TRHDE: variants seen among roughly 807,000 people sequenced by gnomAD.
TRHDE encodes thyrotropin releasing hormone degrading enzyme, also known as thyrotropin-releasing hormone-degrading ectoenzyme.
Under a neutral mutation model 125.7 loss-of-function variants are expected in TRHDE, and 72 were observed. That is an observed-to-expected ratio of 0.57 (90% CI 0.47 to 0.70). The LOEUF is 0.70. Among genes scored for constraint, TRHDE ranks in the 30% least tolerant of loss-of-function variants. The probability of loss-of-function intolerance (pLI) is 0.00; values close to 1 mark genes in which losing one functional copy is unlikely to be tolerated. For synonymous variants in TRHDE, 509 were observed against 509.1 expected, an observed-to-expected ratio of 1.00 and a Z score of 0.00; for missense variants, 1,110 against 1,327.1, an observed-to-expected ratio of 0.84 and a Z score of 2.54.
At chr12:72,540,850 A>G (rs1328624150) in intron 6 of TRHDE, among the ~76,000 whole-genome samples, 1 of 151,702 alleles carries the variant, frequency 6.6e-6, no homozygotes, top group African/African-American at 2.4e-5. Context: ...AAAAAATCAG[A>G]AAAGGCATAA....
At chr12:72,374,384 C>T (rs1871778559) in intron 2 of TRHDE, among the ~76,000 whole-genome samples, 1 of 151,160 alleles carries the variant, frequency 6.6e-6, no homozygotes, top group Non-Finnish European at 1.5e-5. Context: ...CTTGTTAGAT[C>T]TCCAAGTAGA....
intron 4 of TRHDE, among the ~76,000 whole-genome samples, chr12:72,471,350 T>G (rs950381351): frequency 3.3e-5 from 5 of 152,214 alleles, no homozygotes; most frequent in Non-Finnish European, 2.9e-5. Flanking sequence ...GAATATCATG[T>G]AATTATTTGA....
intron 2 of TRHDE, among the ~76,000 whole-genome samples, chr12:72,129,362 T>A (rs1814815567): frequency 1.3e-5 from 2 of 151,584 alleles, no homozygotes; most frequent in Non-Finnish European, 2.9e-5. Flanking sequence ...TAAAAATGAG[T>A]TTTTCTTATT....
At chr12:72,578,322 G>T (rs539516197) in intron 12 of TRHDE, among the ~76,000 whole-genome samples, 1 of 152,260 alleles carries the variant, frequency 6.6e-6, no homozygotes, top group African/African-American at 2.4e-5. Flanking sequence ...TGGAGCAGGG[G>T]TGGAGGAAGT....
chr12:72,293,769 C>A (rs755100441), intron 2 of TRHDE, among the ~76,000 whole-genome samples: 5 of 152,136 alleles, frequency 3.3e-5, no homozygotes, highest in Non-Finnish European at 5.9e-5. Context: ...GCCAATGGCA[C>A]TTTTGCCTGA....
chr12:72,653,246 T>C lies in TRHDE; in HGVS notation c.2984+90T>C, dbSNP rs939370464. 3.8e-6 allele frequency: 4 copies of C among 1,048,068 alleles called. No individual in the cohort carries two copies. The South Asian group carries it at 5.8e-5, about 15-fold the overall frequency. The allele number at this position is 1,048,068 out of a possible 1,614,324, so 64.9% of individuals were successfully genotyped here. A position where few individuals can be genotyped will look rare whatever the true frequency, so the allele number is the denominator to read the frequency against. ...AGTTTTGTGTTAAAGCTAAGATCCA[T>C]GCAATAGGTTTAGATATTAAAATAT... On this transcript the variant is annotated intron_variant, in intron 17 of 18. Transcript: ENST00000261180.
At chr12:72,097,023 T>C (rs916673100) in intron 1 of TRHDE, among the ~76,000 whole-genome samples, 9 of 152,238 alleles carry the variant, frequency 5.9e-5, no homozygotes, top group African/African-American at 9.6e-5. Flanking sequence ...CCAAATATAC[T>C]GATTAGCTTA....
chr12:72,626,190 A>T (rs367959701), intron 15 of TRHDE, among the ~76,000 whole-genome samples: 1 of 151,692 alleles, frequency 6.6e-6, no homozygotes, highest in African/African-American at 2.4e-5. Flanking sequence ...GAGTTGAGAC[A>T]CTTGTGATCA....
chr12:72,620,046 A>G (rs1184344636), intron 13 of TRHDE, among the ~76,000 whole-genome samples: 2 of 152,094 alleles, frequency 1.3e-5, no homozygotes, highest in Non-Finnish European at 2.9e-5. Context: ...AGACATGCAA[A>G]CAAATGGGTC....
At chr12:72,280,048 T>G (rs1278526221) in intron 1 of TRHDE, among the ~76,000 whole-genome samples, 2 of 152,194 alleles carry the variant, frequency 1.3e-5, no homozygotes, top group African/African-American at 2.4e-5. Flanking sequence ...ACTTTTGTTG[T>G]GTCGCTGGAT....
At position 72,670,577 on chromosome 12, in the gene TRHDE, A is replaced by G. The variant is rs1193791661; in HGVS notation, c.*7382A>G. On this transcript the variant is annotated 3_prime_UTR_variant, in exon 19 of 19. Coordinates refer to ENST00000261180, the MANE Select transcript of TRHDE (RefSeq NM_013381.3). ...AAAATACATTTTTAAAATTTTGAGT[A>G]TATATATTATAGAGGTCCATGCAAA... The G allele has an allele frequency of 6.6e-6, 1 of 151,716 alleles. No individual in the cohort carries two copies. The highest frequency in any genetic ancestry group is 2.4e-5 in the African/African-American group (1 of 41,374). 9.4% of individuals were successfully genotyped at this position (151,716 alleles called of 1,614,324 possible).
At chr12:72,154,975 A>G (rs1401687801) in intron 2 of TRHDE, among the ~76,000 whole-genome samples, 1 of 152,222 alleles carries the variant, frequency 6.6e-6, no homozygotes, top group Non-Finnish European at 1.5e-5. Context: ...CCTGGATAAT[A>G]TCCTGAAGAG....
At chr12:72,169,571 C>G (rs563827337) in intron 2 of TRHDE, among the ~76,000 whole-genome samples, 1 of 151,994 alleles carries the variant, frequency 6.6e-6, no homozygotes, top group South Asian at 2.1e-4. Context: ...GGTGCAAATA[C>G]TAGTTGGGTG....
chr12:72,621,726 G>C lies in TRHDE; in HGVS notation c.2650G>C (p.Asp884His). 3 of 1,603,780 alleles carry C rather than the reference G, an allele frequency of 1.9e-6. No homozygotes were observed. The highest frequency in any genetic ancestry group is 2.5e-6 in the Non-Finnish European group (3 of 1,176,638). Residue 884 changes from aspartate (D) to histidine (H), a missense_variant, in exon 15 of 19, where the codon GAT becomes CAT. Physicochemically the swap from Asp to His is moderately conservative, Grantham distance 81. This residue lies in a region of TRHDE where 527 missense variants were observed against 651.8 expected (regional missense o/e 0.81). Transcript: ENST00000261180. ...CCAACAGGCATCAACACTTATTTCA[G>C]ATTGGATTTCCAGCAACAGGAACAG... is the stretch of plus-strand genomic sequence containing the variant. ...CHQQASTLISDWISSNRNRIP... is the reference protein window; with the variant it reads ...CHQQASTLISHWISSNRNRIP...
chr12:72,504,123 G>A (rs1180059620), intron 6 of TRHDE, among the ~76,000 whole-genome samples: 1 of 151,978 alleles, frequency 6.6e-6, no homozygotes, highest in East Asian at 1.9e-4. Flanking sequence ...GGGAGTAGAG[G>A]GGAACTGTAA....
At chr12:72,287,560 T>C (rs1011542777) in intron 2 of TRHDE, among the ~76,000 whole-genome samples, 4 of 148,106 alleles carry the variant, frequency 2.7e-5, no homozygotes, top group African/African-American at 1.0e-4. Context: ...CCTACGATTA[T>C]TTCATATCTA....
At position 72,410,870 on chromosome 12, in the gene TRHDE, T is replaced by TA. The variant is rs796586000; in HGVS notation, c.1315+32764dup. On this transcript the variant is annotated intron_variant, in intron 3 of 18. Transcript: ENST00000261180. ...GCCTGACCCAAATAAGATAAGCAGA[T>TA]AAAAAAAAAAAAAAAGATTTGAGAT... 8.5e-4 allele frequency among the ~76,000 whole-genome samples: 107 copies of TA among 125,598 alleles called. 1 individual carries two copies. The highest frequency in any genetic ancestry group is 8.4e-3 in the South Asian group (33 of 3,932). 82.4% of individuals were successfully genotyped at this position (125,598 alleles called of 152,430 possible).
chr12:72,478,045 A>G (rs1876981817), intron 5 of TRHDE, among the ~76,000 whole-genome samples: 1 of 152,184 alleles, frequency 6.6e-6, no homozygotes, highest in South Asian at 2.1e-4. Context: ...TTTTCTCTTA[A>G]TTTTTGTAAG....
At chr12:72,133,549 A>G (rs1213194706) in intron 2 of TRHDE, among the ~76,000 whole-genome samples, 1 of 152,184 alleles carries the variant, frequency 6.6e-6, no homozygotes. Flanking sequence ...TTTTCAGTAT[A>G]CTATGTATTT....
Sources: gnomAD v4.1 joint callset for allele counts (sites outside exome capture counted in the v4.1 genomes callset) on GRCh38, gnomAD v4.1.1 for gene constraint, gnomAD v4.1.1 regional missense constraint, MANE v1.5 for transcripts, NCBI Gene and HGNC (gene_info 2026-07-23, HGNC 2026-07-21) for gene names.